The following CSMD1 variants were observed in gnomAD, a reference collection of about 807,000 sequenced individuals.
CSMD1 encodes the protein CUB and sushi domain-containing protein 1.
CSMD1 carries 213 observed loss-of-function variants against 417.5 expected under a neutral mutation model. The ratio of observed to expected loss-of-function variants is 0.51; its 90% CI spans 0.46 to 0.57. The LOEUF is 0.57. CSMD1 is among the 20% of genes least tolerant of loss of function. CSMD1 has a pLI of 0.00. For synonymous variants in CSMD1, 2,862 were observed against 1,736.8 expected (o/e 1.65, Z -16.11); for missense variants, 6,923 against 4,529.7 (o/e 1.53, Z -15.17).
intron 5 of CSMD1, among the ~76,000 whole-genome samples, chr8:3,957,238 A>G (rs1014717165): frequency 1.3e-5 from 2 of 152,240 alleles, no homozygotes; most frequent in African/African-American, 4.8e-5. Flanking sequence ...GAGCAAAGAC[A>G]GTCTTTGTGT....
At chr8:4,660,802 A>G (rs1410335865) in intron 1 of CSMD1, among the ~76,000 whole-genome samples, 1 of 152,090 alleles carries the variant, frequency 6.6e-6, no homozygotes, top group Admixed American at 6.6e-5. Context: ...CAATTAGAAA[A>G]TGGGCAAAAT....
chr8:3,701,492 G>A (rs976733858), intron 7 of CSMD1, among the ~76,000 whole-genome samples: 3 of 134,266 alleles, frequency 2.2e-5, no homozygotes, highest in African/African-American at 8.7e-5. Context: ...AGACTCTTCA[G>A]GATATAGGAT....
intron 12 of CSMD1, among the ~76,000 whole-genome samples, chr8:3,433,195 A>G (rs1814330781): frequency 6.6e-6 from 1 of 152,216 alleles, no homozygotes; most frequent in Admixed American, 6.5e-5. Context: ...ACTTTATTAG[A>G]CAACTTTTGT....
chr8:3,278,373 C>G (rs774625792), intron 26 of CSMD1: 54 of 152,134 alleles, frequency 3.5e-4, no homozygotes, highest in Non-Finnish European at 1.6e-4. Flanking sequence ...TATTTTCTCT[C>G]CAATAATTTA....
chr8:3,047,231 A>G (rs1811518555), intron 50 of CSMD1, among the ~76,000 whole-genome samples: 1 of 149,188 alleles, frequency 6.7e-6, no homozygotes, highest in Non-Finnish European at 1.5e-5. Flanking sequence ...AAAAAAAAAA[A>G]AAAAAAAGAG....
At chr8:3,409,375 A>G (rs1812538635) in intron 13 of CSMD1, 48 bp downstream of exon 13, 6 of 1,474,332 alleles carry the variant, frequency 4.1e-6, no homozygotes, top group Middle Eastern at 1.9e-4. Context: ...TCCCCTTGCA[A>G]GATCCTTGCA....
chr8:4,100,609 G>C (rs540934129), intron 3 of CSMD1, among the ~76,000 whole-genome samples: 2 of 152,260 alleles, frequency 1.3e-5, no homozygotes, highest in South Asian at 4.2e-4. Context: ...AAAATATACA[G>C]TTTCCACCGT....
intron 1 of CSMD1, among the ~76,000 whole-genome samples, chr8:4,869,465 A>C (rs1466073160): frequency 6.6e-6 from 1 of 152,080 alleles, no homozygotes; most frequent in Non-Finnish European, 1.5e-5. Flanking sequence ...ATATATCTGC[A>C]ACCAGACTAT....
chr8:3,832,958 A>G (rs999901799), intron 5 of CSMD1, among the ~76,000 whole-genome samples: 19 of 152,296 alleles, frequency 1.2e-4, no homozygotes, highest in African/African-American at 3.8e-4. Context: ...TAACAAGTGA[A>G]TATCAATAAT....
intron 5 of CSMD1, among the ~76,000 whole-genome samples, chr8:3,877,038 G>C (rs1056821842): frequency 2.6e-5 from 4 of 152,180 alleles, no homozygotes; most frequent in Non-Finnish European, 4.4e-5. Flanking sequence ...ATTTCGTATA[G>C]TGTTTTTTTG....
chr8:4,498,029 T>G (rs1476281058), intron 2 of CSMD1, among the ~76,000 whole-genome samples: 1 of 152,138 alleles, frequency 6.6e-6, no homozygotes, highest in African/African-American at 2.4e-5. Flanking sequence ...CCAGGCTTCA[T>G]TGTCATCTGC....
chr8:3,448,021 A>G (rs1049192516), intron 12 of CSMD1, among the ~76,000 whole-genome samples: 26 of 152,036 alleles, frequency 1.7e-4, no homozygotes, highest in African/African-American at 6.3e-4. Context: ...GGGACCTCCT[A>G]ACCCTGGATA....
At chr8:4,492,156 G>C (rs566790001) in intron 2 of CSMD1, among the ~76,000 whole-genome samples, 41 of 152,180 alleles carry the variant, frequency 2.7e-4, no homozygotes, top group South Asian at 1.2e-3. Flanking sequence ...GAGCACAGGA[G>C]TGCGATCATA....
At chr8:3,413,660 C>T (rs1812953317) in intron 12 of CSMD1, among the ~76,000 whole-genome samples, 1 of 152,188 alleles carries the variant, frequency 6.6e-6, no homozygotes, top group Non-Finnish European at 1.5e-5. Flanking sequence ...TTCTTACACA[C>T]TGAGTGTCAC....
At chr8:3,903,400 C>G (rs1347910936) in intron 5 of CSMD1, among the ~76,000 whole-genome samples, 1 of 152,078 alleles carries the variant, frequency 6.6e-6, no homozygotes, top group African/African-American at 2.4e-5. Flanking sequence ...CATAAGCTTT[C>G]CAATGCCAGA....
Position 4,745,371 on chromosome 8 carries a change from A to G in CSMD1, c.86-107813T>C, listed in dbSNP as rs568008257. 4.6e-5 allele frequency among the ~76,000 whole-genome samples: 7 copies of G among 152,320 alleles called. No individual in the cohort carries two copies. The South Asian group carries it at 1.0e-3, about 23-fold the overall frequency. ...CAGTTTAGTTACAAATGATTTAGTA[A>G]CAGCACCTAAGCTTTAATAAGTATT... On this transcript the variant is annotated intron_variant, in intron 1 of 69. Transcript: ENST00000635120.
At chr8:4,939,472 A>G (rs748490981) in intron 1 of CSMD1, among the ~76,000 whole-genome samples, 12 of 152,244 alleles carry the variant, frequency 7.9e-5, no homozygotes, top group Non-Finnish European at 1.2e-4. Flanking sequence ...AGCCTTTAAA[A>G]AGAAGACAGT....
At chr8:4,317,604 GGAGAGAGAGAGAAA>G (rs11272003) in intron 3 of CSMD1, among the ~76,000 whole-genome samples, 150,440 of 151,882 alleles carry the variant, frequency 0.99, 74,513 homozygotes, top group South Asian at 1. Context: ...AGGAGAGAGG[GGAGAGAGAGAGAAA>G]GAGAGAGAGA....
intron 3 of CSMD1, among the ~76,000 whole-genome samples, chr8:4,108,241 A>C (rs946082692): frequency 6.6e-6 from 1 of 152,124 alleles, no homozygotes; most frequent in African/African-American, 2.4e-5. Flanking sequence ...TTTAATATTT[A>C]ATTTCTATAG....
Sources: allele counts gnomAD v4.1 joint callset (sites outside exome capture counted in the v4.1 genomes callset), GRCh38; gene constraint gnomAD v4.1.1; transcripts MANE v1.5; gene names NCBI Gene and HGNC (gene_info 2026-07-23, HGNC 2026-07-21).